CACNG7: variants seen among roughly 807,000 people sequenced by gnomAD.
The protein encoded by CACNG7 is voltage-dependent calcium channel gamma-7 subunit.
Under a neutral mutation model 26.3 loss-of-function variants are expected in CACNG7, and 9 were observed. The observed-to-expected ratio is 0.34, with a 90% confidence interval of 0.21 to 0.60. The LOEUF is 0.60. Among genes scored for constraint, CACNG7 ranks in the 20% least tolerant of loss-of-function variants. The probability of loss-of-function intolerance (pLI) is 0.81; values close to 1 mark genes in which losing one functional copy is unlikely to be tolerated. For synonymous variants in CACNG7, 170 were observed against 157.0 expected, an observed-to-expected ratio of 1.08 and a Z score of -0.62; for missense variants, 297 against 380.4, an observed-to-expected ratio of 0.78 and a Z score of 1.82.
At chr19:53,911,402 G>A (rs376625961) in intron 1 of CACNG7, among the ~76,000 whole-genome samples, 9 of 152,136 alleles carry the variant, frequency 5.9e-5, no homozygotes, top group South Asian at 2.1e-4. Flanking sequence ...ATCTGTAATC[G>A]AGATTCTGGT....
intron 4 of CACNG7, among the ~76,000 whole-genome samples, 183 bp from the exon 5 acceptor site, chr19:53,941,287 G>A (rs1409964558): frequency 6.6e-6 from 1 of 152,072 alleles, no homozygotes; most frequent in Non-Finnish European, 1.5e-5. Context: ...GGGGGATAAA[G>A]GGGGAGGTGG....
chr19:53,920,909 T>C (rs1568773771), intron 4 of CACNG7, among the ~76,000 whole-genome samples: 1 of 116,582 alleles, frequency 8.6e-6, no homozygotes, highest in Non-Finnish European at 1.8e-5. Context: ...ATTGGTGGAG[T>C]TGTCCCCAGG....
rs553535624 is a variant in CACNG7, at chr19:53,912,761, G to C, written c.-29-42G>C. The C allele has an allele frequency of 6.6e-7, 1 of 1,525,488 alleles. No individual in the cohort carries two copies. The highest frequency in any genetic ancestry group is 9.0e-7 in the Non-Finnish European group (1 of 1,113,900). The allele number at this position is 1,525,488 out of a possible 1,614,324, so 94.5% of individuals were successfully genotyped here. A position where few individuals can be genotyped will look rare whatever the true frequency, so the allele number is the denominator to read the frequency against. On this transcript the variant is annotated intron_variant, in intron 1 of 5. Coordinates refer to ENST00000391767, the MANE Select transcript of CACNG7 (RefSeq NM_031896.5). The surrounding 1 kb of genome is among the most constrained non-coding windows in gnomAD (Gnocchi z 4.6). ...TTGCTGCATGGGGTCAAGCACTCTG[G>C]TCGGTCCCATGGAGCTCTGCACTGT... is the stretch of plus-strand genomic sequence containing the variant.
chr19:53,916,598 C>T (rs2068900219), intron 4 of CACNG7, among the ~76,000 whole-genome samples: 1 of 148,252 alleles, frequency 6.7e-6, no homozygotes, highest in South Asian at 2.1e-4. Context: ...AGACAATTCT[C>T]CTGCCTCAGC....
rs1294748567 is a variant in CACNG7, at chr19:53,935,981, T to G, written c.425-5489T>G. ...ACTGTTACTTTTTCCTGATTCAGAATCCAATCTAAGATCACGCTTTGCATT... is the reference window on the plus strand; with the variant it reads ...ACTGTTACTTTTTCCTGATTCAGAAGCCAATCTAAGATCACGCTTTGCATT... On this transcript the variant is annotated intron_variant, in intron 4 of 5. Transcript: ENST00000391767. Among the ~76,000 whole-genome samples, 2 of 151,732 alleles carry G rather than the reference T, an allele frequency of 1.3e-5. 1 individual carries two copies. Among genetic ancestry groups the G allele is most frequent in the Non-Finnish European group, 2.9e-5 (2 of 67,984 alleles).
Position 53,942,400 on chromosome 19 carries a change from G to A in CACNG7, c.*107G>A, listed in dbSNP as rs2069144365. The A allele has an allele frequency of 2.6e-6, 4 of 1,510,696 alleles. No homozygotes were observed. The highest frequency in any genetic ancestry group is 2.0e-5 in the Admixed American group (1 of 48,790). The allele number at this position is 1,510,696 out of a possible 1,614,324, so 93.6% of individuals were successfully genotyped here. A position where few individuals can be genotyped will look rare whatever the true frequency, so the allele number is the denominator to read the frequency against. ...TCCTCGGGACTCCTCGCTCCCACCC[G>A]GAGGAGGCTGCGCCAGCTTTAGGCC... On this transcript the variant is annotated 3_prime_UTR_variant, in exon 6 of 6. Transcript: ENST00000391767. The surrounding 1 kb of genome is among the most constrained non-coding windows in gnomAD (Gnocchi z 5.9).
chr19:53,934,302 T>C (rs907214841), intron 4 of CACNG7, among the ~76,000 whole-genome samples: 3 of 152,222 alleles, frequency 2.0e-5, no homozygotes, highest in African/African-American at 7.2e-5. Context: ...CTTGATAACA[T>C]TCACGTTAAA....
intron 4 of CACNG7, among the ~76,000 whole-genome samples, chr19:53,920,686 A>C (rs1158893246): frequency 9.5e-6 from 1 of 104,976 alleles, no homozygotes; most frequent in Admixed American, 8.9e-5. Flanking sequence ...AGGTCTGGTC[A>C]TTGGTGGACT....
chr19:53,929,238 T>C (rs2069055148), intron 4 of CACNG7, among the ~76,000 whole-genome samples: 1 of 151,882 alleles, frequency 6.6e-6, no homozygotes, highest in African/African-American at 2.4e-5. Flanking sequence ...AATTTGATTG[T>C]CCTTCAGTGA....
chr19:53,914,921 G>C (rs2068885201), intron 3 of CACNG7, among the ~76,000 whole-genome samples: 2 of 151,500 alleles, frequency 1.3e-5, no homozygotes, highest in South Asian at 4.2e-4. Flanking sequence ...AGAATCGCTT[G>C]AACCTGGGAG....
At chr19:53,938,708 G>A (rs1266486603) in intron 4 of CACNG7, among the ~76,000 whole-genome samples, 1 of 152,078 alleles carries the variant, frequency 6.6e-6, no homozygotes, top group African/African-American at 2.4e-5. Flanking sequence ...AGCACTCTGG[G>A]AGATGAGGTG....
chr19:53,916,487 CTTTTTTTT>C (rs397706471), intron 4 of CACNG7, among the ~76,000 whole-genome samples: 4 of 95,466 alleles, frequency 4.2e-5, no homozygotes, highest in Non-Finnish European at 8.0e-5. Flanking sequence ...TTCTTTCTTT[CTTTTTTTT>C]TTTTTTTTTT....
intron 4 of CACNG7, among the ~76,000 whole-genome samples, chr19:53,925,199 T>C (rs1190900334): frequency 7.0e-6 from 1 of 143,706 alleles, no homozygotes; most frequent in Admixed American, 6.8e-5. Context: ...GGTCTGGTCA[T>C]TGGTGGACTT....
chr19:53,914,395 C>T lies in CACNG7; in HGVS notation c.197-105C>T, dbSNP rs1262303947. The T allele has an allele frequency of 8.2e-6, 7 of 856,310 alleles. No individual in the cohort carries two copies. The East Asian group carries it at 1.3e-4, about 16-fold the overall frequency. The allele number at this position is 856,310 out of a possible 1,614,324, so 53.0% of individuals were successfully genotyped here. On this transcript the variant is annotated intron_variant, in intron 2 of 5. Transcript: ENST00000391767. ...CTCGTAACCCTTGGGTTAGGCCTTG[C>T]TCCCCCATCCTGGGGTCTCCCCTCT...
intron 4 of CACNG7, among the ~76,000 whole-genome samples, chr19:53,918,107 G>A (rs979318518): frequency 6.6e-6 from 1 of 152,244 alleles, no homozygotes; most frequent in Non-Finnish European, 1.5e-5. Flanking sequence ...GCCAAGCTTG[G>A]GGTGTATAGT....
At chr19:53,923,644 T>C (rs1264066493) in intron 4 of CACNG7, among the ~76,000 whole-genome samples, 1 of 143,250 alleles carries the variant, frequency 7.0e-6, no homozygotes, top group African/African-American at 2.6e-5. Flanking sequence ...GGTCTGGTCA[T>C]TGGTGCAGTT....
chr19:53,933,080 AC>A (rs753840960), intron 4 of CACNG7, among the ~76,000 whole-genome samples: 9 of 151,904 alleles, frequency 5.9e-5, no homozygotes, highest in Non-Finnish European at 1.3e-4. Flanking sequence ...TGCTGGGATT[AC>A]AGCACTTTGT....
At chr19:53,938,976 G>A (rs990741127) in intron 4 of CACNG7, among the ~76,000 whole-genome samples, 3 of 151,320 alleles carry the variant, frequency 2.0e-5, no homozygotes, top group Non-Finnish European at 4.4e-5. Context: ...AACAAAAAAG[G>A]CCGGGTGTGG....
At chr19:53,928,598 A>G (rs2069049843) in intron 4 of CACNG7, among the ~76,000 whole-genome samples, 1 of 151,890 alleles carries the variant, frequency 6.6e-6, no homozygotes, top group African/African-American at 2.4e-5. Context: ...TTAGAGCTGT[A>G]ATGTGAAACT....
Sources: allele counts gnomAD v4.1 joint callset (sites outside exome capture counted in the v4.1 genomes callset), GRCh38; gene constraint gnomAD v4.1.1; non-coding constraint Gnocchi (gnomAD v3.1); transcripts MANE v1.5; gene names NCBI Gene and HGNC (gene_info 2026-07-23, HGNC 2026-07-21).